The following CDC42BPA variants were observed in gnomAD, a reference collection of about 807,000 sequenced individuals.
The protein encoded by CDC42BPA is CDC42 binding protein kinase alpha, also known as serine/threonine-protein kinase MRCK alpha.
CDC42BPA carries 80 observed loss-of-function variants against 223.5 expected under a neutral mutation model. That is an observed-to-expected ratio of 0.36 (90% CI 0.30 to 0.43). The LOEUF (loss-of-function observed/expected upper bound fraction) is 0.43, where lower values mean the gene tolerates loss of function less well. Among genes scored for constraint, CDC42BPA ranks in the 20% least tolerant of loss-of-function variants. CDC42BPA has a pLI of 1.00. For missense variants in CDC42BPA, 1,743 were observed against 2,099.9 expected, an observed-to-expected ratio of 0.83 and a Z score of 3.32; for synonymous variants, 694 against 718.6, an observed-to-expected ratio of 0.97 and a Z score of 0.55.
intron 9 of CDC42BPA, among the ~76,000 whole-genome samples, chr1:227,141,919 G>C (rs900641644): frequency 6.6e-6 from 1 of 152,070 alleles, no homozygotes; most frequent in African/African-American, 2.4e-5. Flanking sequence ...TAGTGAGCTA[G>C]GACTGCACCA....
At chr1:227,215,477 C>T (rs370316779) in intron 2 of CDC42BPA, among the ~76,000 whole-genome samples, 24 of 152,224 alleles carry the variant, frequency 1.6e-4, no homozygotes, top group African/African-American at 5.3e-4. Flanking sequence ...TCCTTGTACT[C>T]GGGATTATTG....
At chr1:227,244,327 C>T (rs1680525537) in intron 2 of CDC42BPA, among the ~76,000 whole-genome samples, 1 of 151,972 alleles carries the variant, frequency 6.6e-6, no homozygotes, top group East Asian at 1.9e-4. Flanking sequence ...ATACTGTGAA[C>T]CAGTGAAAAA....
intron 5 of CDC42BPA, 73 bp from the exon 6 acceptor site, chr1:227,160,709 T>C: frequency 1.2e-6 from 1 of 847,744 alleles, no homozygotes; most frequent in East Asian, 2.6e-5. Context: ...ATTCTTTTTG[T>C]CAGAAAAAAA....
chr1:227,207,305 T>C (rs544054253), intron 3 of CDC42BPA, among the ~76,000 whole-genome samples: 22 of 94,848 alleles, frequency 2.3e-4, no homozygotes, highest in African/African-American at 8.1e-4. Context: ...GGTGTATATG[T>C]CACACATTTT....
chr1:227,140,016 C>G (rs1659396071), intron 9 of CDC42BPA, among the ~76,000 whole-genome samples: 1 of 151,888 alleles, frequency 6.6e-6, no homozygotes, highest in Non-Finnish European at 1.5e-5. Flanking sequence ...TTAAAAACCC[C>G]ACAAATTATA....
At chr1:227,275,727 C>G (rs1176758370) in intron 1 of CDC42BPA, among the ~76,000 whole-genome samples, 1 of 152,030 alleles carries the variant, frequency 6.6e-6, no homozygotes, top group South Asian at 2.1e-4. Context: ...CTCAGCCTGC[C>G]GAGTGCCTGG....
chr1:227,094,383 G>A (rs1038486383), intron 15 of CDC42BPA, among the ~76,000 whole-genome samples: 6 of 152,112 alleles, frequency 3.9e-5, no homozygotes, highest in African/African-American at 1.2e-4. Context: ...TGACTCACAC[G>A]CTATAGTTCA....
intron 2 of CDC42BPA, among the ~76,000 whole-genome samples, chr1:227,221,914 C>T (rs1237627531): frequency 2.6e-5 from 4 of 151,844 alleles, no homozygotes; most frequent in Non-Finnish European, 5.9e-5. Flanking sequence ...GGTATAAAAA[C>T]TGGCTACAAA....
At chr1:227,079,481 C>T (rs527418147) in intron 17 of CDC42BPA, among the ~76,000 whole-genome samples, 1 of 152,164 alleles carries the variant, frequency 6.6e-6, no homozygotes, top group East Asian at 1.9e-4. Flanking sequence ...TTCAGCTCCT[C>T]CTTACATATA....
chr1:227,010,963 T>A (rs758502005), intron 34 of CDC42BPA: 7 of 1,364,094 alleles, frequency 5.1e-6, no homozygotes, highest in Admixed American at 1.9e-5. Flanking sequence ...AGAGAGAAAT[T>A]TTTCAGCAGA....
At chr1:227,096,737 T>A (rs980621803) in intron 15 of CDC42BPA, among the ~76,000 whole-genome samples, 2 of 152,194 alleles carry the variant, frequency 1.3e-5, no homozygotes, top group Admixed American at 1.3e-4. Context: ...ATATCAATGC[T>A]CCTCAGTATT....
Position 226,994,229 on chromosome 1 carries a change from C to A in CDC42BPA, c.*39G>T. 6.5e-7 allele frequency: 1 copy of A among 1,545,526 alleles called. No homozygotes were observed. Among genetic ancestry groups the A allele is most frequent in the Non-Finnish European group, 8.8e-7 (1 of 1,142,798 alleles). On this transcript the variant is annotated 3_prime_UTR_variant, in exon 37 of 37. Coordinates refer to ENST00000366766, the MANE Select transcript of CDC42BPA (RefSeq NM_001394014.1). This position sits in a 1 kb window ranked among gnomAD's most constrained non-coding sequence, Gnocchi z 4.0. ...GATGAAAGTGAGAGGAGGCGAGTGG[C>A]AGGGAGCGGAGAGCGAGAGGTCCCA...
At chr1:227,207,731 T>G (rs1232790416) in intron 3 of CDC42BPA, among the ~76,000 whole-genome samples, 44 of 148,694 alleles carry the variant, frequency 3.0e-4, no homozygotes, top group African/African-American at 1.1e-3. Flanking sequence ...TTCCATGGTG[T>G]ATATGTGCCA....
At chr1:227,204,247 A>G (rs1016451927) in intron 3 of CDC42BPA, among the ~76,000 whole-genome samples, 6 of 152,206 alleles carry the variant, frequency 3.9e-5, no homozygotes, top group African/African-American at 1.4e-4. Flanking sequence ...ATTTTAATAT[A>G]TATTTCATGG....
chr1:227,083,356 A>C (rs942751271), intron 16 of CDC42BPA, among the ~76,000 whole-genome samples: 1 of 151,946 alleles, frequency 6.6e-6, no homozygotes, highest in Non-Finnish European at 1.5e-5. Flanking sequence ...TGAGTCTTTT[A>C]GTTATTTAAT....
intron 2 of CDC42BPA, among the ~76,000 whole-genome samples, chr1:227,224,263 C>T (rs1487420417): frequency 2.8e-5 from 4 of 145,224 alleles, no homozygotes; most frequent in African/African-American, 7.6e-5. Flanking sequence ...GATGGAGTTT[C>T]GCTCTTGTTG....
intron 1 of CDC42BPA, among the ~76,000 whole-genome samples, chr1:227,313,005 T>C (rs1055671591): frequency 3.9e-5 from 6 of 152,158 alleles, no homozygotes; most frequent in Non-Finnish European, 8.8e-5. Context: ...CTTTTCTCTA[T>C]AAATTACTCA....
At chr1:227,107,064 A>T (rs1686059440) in intron 14 of CDC42BPA, among the ~76,000 whole-genome samples, 1 of 152,198 alleles carries the variant, frequency 6.6e-6, no homozygotes, top group East Asian at 1.9e-4. Context: ...GAATTTGAGG[A>T]TCAGCTTTTT....
At chr1:226,996,332 T>C (rs903051550) in intron 35 of CDC42BPA, among the ~76,000 whole-genome samples, 1 of 152,230 alleles carries the variant, frequency 6.6e-6, no homozygotes, top group Non-Finnish European at 1.5e-5. Flanking sequence ...ACCTGAGACT[T>C]TGCTGAAGTT....
Sources: allele counts gnomAD v4.1 joint callset (sites outside exome capture counted in the v4.1 genomes callset), GRCh38; gene constraint gnomAD v4.1.1; non-coding constraint Gnocchi (gnomAD v3.1); transcripts MANE v1.5; gene names NCBI Gene and HGNC (gene_info 2026-07-23, HGNC 2026-07-21).